Variants in SIMC1 observed in about 807,000 individuals in gnomAD.
SIMC1 encodes SUMO interacting motifs containing 1.
A neutral mutation model predicts 82.3 loss-of-function variants in SIMC1; 55 were observed. The ratio of observed to expected loss-of-function variants is 0.67; its 90% CI spans 0.54 to 0.84. SIMC1 has a LOEUF of 0.84. Among genes scored for constraint, SIMC1 ranks in the 40% least tolerant of loss-of-function variants. The probability of loss-of-function intolerance (pLI) is 0.00; values close to 1 mark genes in which losing one functional copy is unlikely to be tolerated. For missense variants in SIMC1, 915 were observed against 1,107.2 expected (o/e 0.83, Z 2.46); for synonymous variants, 353 against 426.3 (o/e 0.83, Z 2.12).
chr5:176,335,308 G>A (rs1255104894), intron 7 of SIMC1, among the ~76,000 whole-genome samples: 2 of 115,966 alleles, frequency 1.7e-5, no homozygotes, highest in South Asian at 2.6e-4. Context: ...ATTGAGTCTC[G>A]CTGTGTTGCC....
intron 4 of SIMC1, among the ~76,000 whole-genome samples, chr5:176,305,946 C>T (rs1213371102): frequency 2.5e-5 from 2 of 79,660 alleles, no homozygotes; most frequent in Non-Finnish European, 5.4e-5. Flanking sequence ...GTGAGGAGCC[C>T]CTCTGCCCGG....
chr5:176,277,802 A>G (rs1409171707), intron 1 of SIMC1, among the ~76,000 whole-genome samples: 4 of 151,532 alleles, frequency 2.6e-5, no homozygotes, highest in Non-Finnish European at 5.9e-5. Context: ...TGTTCCATTG[A>G]TCTATATCTC....
intron 1 of SIMC1, among the ~76,000 whole-genome samples, chr5:176,245,119 A>G (rs1196153541): frequency 1.3e-5 from 2 of 152,144 alleles, no homozygotes; most frequent in Non-Finnish European, 2.9e-5. Flanking sequence ...CTAACCCCCC[A>G]CTACCTCAGA....
At chr5:176,279,498 T>G (rs937015057) in intron 1 of SIMC1, among the ~76,000 whole-genome samples, 3 of 151,736 alleles carry the variant, frequency 2.0e-5, no homozygotes, top group Non-Finnish European at 2.9e-5. Context: ...ATTTTAGTTA[T>G]TTCTTGCCTT....
intron 4 of SIMC1, among the ~76,000 whole-genome samples, chr5:176,297,291 G>A (rs562404378): frequency 1.1e-3 from 173 of 152,012 alleles, no homozygotes; most frequent in African/African-American, 4.0e-3. Flanking sequence ...ACCTGAGGTC[G>A]GGAGTTTGAG....
intron 7 of SIMC1, among the ~76,000 whole-genome samples, chr5:176,335,890 A>G (rs935248275): frequency 1.3e-5 from 2 of 152,072 alleles, no homozygotes; most frequent in Non-Finnish European, 2.9e-5. Context: ...AAAAAAAATA[A>G]TAATTAGCCA....
intron 5 of SIMC1, among the ~76,000 whole-genome samples, chr5:176,320,968 A>C (rs957174896): frequency 5.9e-5 from 9 of 151,990 alleles, no homozygotes; most frequent in Non-Finnish European, 1.3e-4. Flanking sequence ...CCTACTCCCA[A>C]ATCAAAGACT....
At chr5:176,255,573 CTGTCT>C (rs1761825471) in intron 1 of SIMC1, among the ~76,000 whole-genome samples, 1 of 108,890 alleles carries the variant, frequency 9.2e-6, no homozygotes, top group African/African-American at 3.6e-5. Context: ...CAGAGTGAGA[CTGTCT>C]TTTTTTTTTT....
chr5:176,301,172 G>T (rs781576527), intron 4 of SIMC1, among the ~76,000 whole-genome samples: 2 of 152,104 alleles, frequency 1.3e-5, no homozygotes. Flanking sequence ...TAATTCCCAC[G>T]TGTTATGGGA....
Position 176,290,458 on chromosome 5 carries a change from C to G in SIMC1, c.934C>G (p.Pro312Ala), listed in dbSNP as rs374697206. The change falls in exon 2 of 10, where the codon CCA becomes GCA. Residue 312 changes from proline to alanine, a missense_variant. Physicochemically the swap from Pro to Ala is conservative, Grantham distance 27. Around this residue, in one of 2 missense-constraint regions of SIMC1, gnomAD observed 902 missense variants for 1,040.3 expected, o/e 0.87. Coordinates refer to ENST00000429602, the MANE Select transcript of SIMC1 (RefSeq NM_001308195.2). ...VAYLQDMPRSPGDVPQSPSDV... is the reference protein window; with the variant it reads ...VAYLQDMPRSAGDVPQSPSDV... The stretch of plus-strand genomic sequence containing the variant: ...ATACCTGCAAGACATGCCACGGTCA[C>G]CAGGAGATGTGCCACAGTCACCAAG... The G allele has an allele frequency of 4.0e-5, 65 of 1,613,744 alleles. No individual in the cohort carries two copies. The highest frequency in any genetic ancestry group is 6.7e-5 in the East Asian group (3 of 44,894).
chr5:176,270,716 C>T (rs1273876189), intron 1 of SIMC1, among the ~76,000 whole-genome samples: 2 of 152,180 alleles, frequency 1.3e-5, no homozygotes, highest in Non-Finnish European at 2.9e-5. Flanking sequence ...CTCACTGCAG[C>T]CCTGTCACAG....
intron 9 of SIMC1, among the ~76,000 whole-genome samples, chr5:176,342,657 A>G (rs1464901524): frequency 6.6e-6 from 1 of 152,054 alleles, no homozygotes; most frequent in Admixed American, 6.6e-5. Flanking sequence ...GACATTTGCT[A>G]TTGCTGTTCT....
intron 4 of SIMC1, among the ~76,000 whole-genome samples, chr5:176,305,999 C>CT (rs1764353241): frequency 1.6e-5 from 1 of 64,262 alleles, no homozygotes; most frequent in Non-Finnish European, 3.5e-5. Flanking sequence ...GTCAGCCCCC[C>CT]GCCCGGCCAG....
intron 1 of SIMC1, among the ~76,000 whole-genome samples, chr5:176,249,843 C>CAAAAAAAAA: frequency 1.2e-5 from 1 of 81,804 alleles, no homozygotes; most frequent in Non-Finnish European, 2.2e-5. Flanking sequence ...GATTCCGTCT[C>CAAAAAAAAA]AAAAAAAAAA....
intron 1 of SIMC1, among the ~76,000 whole-genome samples, chr5:176,251,048 A>C (rs1761633156): frequency 6.6e-6 from 1 of 152,000 alleles, no homozygotes; most frequent in African/African-American, 2.4e-5. Context: ...GTTTCTTCAT[A>C]GTGTTGATGG....
chr5:176,299,174 G>T (rs2113292607), intron 4 of SIMC1, among the ~76,000 whole-genome samples: 1 of 152,306 alleles, frequency 6.6e-6, no homozygotes, highest in South Asian at 2.1e-4. Context: ...TAGAAGGATT[G>T]CTTGAAGTCA....
Position 176,250,568 on chromosome 5 carries a change from A to G in SIMC1, c.129+11931A>G, listed in dbSNP as rs550472729. 5.7e-3 allele frequency among the ~76,000 whole-genome samples: 871 copies of G among 152,142 alleles called. 6 individuals carry two copies. The highest frequency in any genetic ancestry group is 0.02 in the African/African-American group (826 of 41,516). ...CTAATATTGACAGTGGGGTGTTAAA[A>G]TCTCCCACTATTATTGTGTGGGAGT... On this transcript the variant is annotated intron_variant, in intron 1 of 9. Coordinates refer to ENST00000429602, the MANE Select transcript of SIMC1 (RefSeq NM_001308195.2).
Position 176,269,964 on chromosome 5 carries a change from C to T in SIMC1, c.130-19690C>T, listed in dbSNP as rs532767504. Reference sequence around the variant, plus strand: ...TAGAGACAAGGTCTTGCTTTGTTGCCCAGGCTGGTCTTGAACTCCTGAGCT... The same window carrying T: ...TAGAGACAAGGTCTTGCTTTGTTGCTCAGGCTGGTCTTGAACTCCTGAGCT... On this transcript the variant is annotated intron_variant, in intron 1 of 9. Transcript: ENST00000429602. Among the ~76,000 whole-genome samples the T allele has an allele frequency of 3.7e-3, 560 of 151,644 alleles. 3 individuals carry two copies. Among genetic ancestry groups the T allele is most frequent in the African/African-American group, 0.013 (533 of 41,326 alleles).
chr5:176,339,233 G>A (rs1015361787), intron 9 of SIMC1, among the ~76,000 whole-genome samples: 3 of 152,072 alleles, frequency 2.0e-5, no homozygotes, highest in African/African-American at 4.8e-5. Context: ...GTATAGTGGC[G>A]GGGTCTTGTA....
Sources: allele counts gnomAD v4.1 joint callset (sites outside exome capture counted in the v4.1 genomes callset), GRCh38; gene constraint gnomAD v4.1.1; regional missense constraint gnomAD v4.1.1; transcripts MANE v1.5; gene names NCBI Gene and HGNC (gene_info 2026-07-23, HGNC 2026-07-21).